ASIC2: variants seen among roughly 807,000 people sequenced by gnomAD.
The protein encoded by ASIC2 is acid-sensing ion channel 2.
A neutral mutation model predicts 57.3 loss-of-function variants in ASIC2; 25 were observed. The observed-to-expected ratio is 0.44, with a 90% CI of 0.32 to 0.61. The LOEUF (loss-of-function observed/expected upper bound fraction) is 0.61, where lower values mean the gene tolerates loss of function less well. Among genes scored for constraint, ASIC2 ranks in the 20% least tolerant of loss-of-function variants. The probability of loss-of-function intolerance (pLI) is 0.06; values close to 1 mark genes in which losing one functional copy is unlikely to be tolerated. For missense variants in ASIC2, 641 were observed against 738.1 expected (o/e 0.87, Z 1.52); for synonymous variants, 319 against 307.5 (o/e 1.04, Z -0.39).
At chr17:33,141,769 G>A (rs994348954) in intron 1 of ASIC2, among the ~76,000 whole-genome samples, 2 of 152,194 alleles carry the variant, frequency 1.3e-5, no homozygotes, top group African/African-American at 4.8e-5. Context: ...TTGAGTAGGA[G>A]GTTGACCTGA....
intron 1 of ASIC2, among the ~76,000 whole-genome samples, chr17:33,373,063 C>T (rs1342674031): frequency 6.6e-6 from 1 of 152,174 alleles, no homozygotes; most frequent in East Asian, 1.9e-4. Context: ...AAGGGAATGG[C>T]TTTGAAGCTT....
chr17:33,914,842 A>T (rs923012238), intron 1 of ASIC2, among the ~76,000 whole-genome samples: 10 of 152,266 alleles, frequency 6.6e-5, no homozygotes, highest in Non-Finnish European at 1.0e-4. Context: ...CCATGAGTAG[A>T]TAAATGCTTA....
chr17:33,552,332 G>T (rs1044661515), intron 1 of ASIC2, among the ~76,000 whole-genome samples: 8 of 152,320 alleles, frequency 5.3e-5, no homozygotes, highest in African/African-American at 1.9e-4. Context: ...GAGATGGTTG[G>T]ATGGCTGCTG....
At chr17:33,710,800 G>C (rs1909006956) in intron 1 of ASIC2, among the ~76,000 whole-genome samples, 1 of 152,170 alleles carries the variant, frequency 6.6e-6, no homozygotes, top group Non-Finnish European at 1.5e-5. Context: ...CTTGTGGCAG[G>C]AGTTATCATG....
intron 1 of ASIC2, among the ~76,000 whole-genome samples, chr17:34,111,247 CAT>C (rs900422595): frequency 6.8e-6 from 1 of 147,994 alleles, no homozygotes; most frequent in Non-Finnish European, 1.5e-5. Flanking sequence ...TATATACACA[CAT>C]ATATATAATA....
intron 7 of ASIC2, among the ~76,000 whole-genome samples, chr17:33,018,383 G>T (rs1039757365): frequency 1.3e-5 from 2 of 152,218 alleles, no homozygotes; most frequent in Non-Finnish European, 2.9e-5. Context: ...GGGTCTGGAT[G>T]TCGGGATTTT....
At chr17:33,645,059 CT>C (rs1906698781) in intron 1 of ASIC2, among the ~76,000 whole-genome samples, 2 of 152,260 alleles carry the variant, frequency 1.3e-5, no homozygotes, top group South Asian at 4.1e-4. Context: ...TGTTCCTGGT[CT>C]CTTAGTTTGC....
At chr17:33,309,267 C>A (rs1906308282) in intron 1 of ASIC2, among the ~76,000 whole-genome samples, 1 of 152,014 alleles carries the variant, frequency 6.6e-6, no homozygotes, top group Non-Finnish European at 1.5e-5. Context: ...ACACACATCT[C>A]TTTTTCTTCA....
chr17:33,113,954 C>T (rs1307509824), intron 1 of ASIC2, among the ~76,000 whole-genome samples: 1 of 152,224 alleles, frequency 6.6e-6, no homozygotes, highest in Non-Finnish European at 1.5e-5. Context: ...CATACTGCTC[C>T]TTTCTGCCTT....
At chr17:34,012,392 T>C (rs1906802064) in intron 1 of ASIC2, among the ~76,000 whole-genome samples, 2 of 152,214 alleles carry the variant, frequency 1.3e-5, no homozygotes, top group Admixed American at 6.5e-5. Context: ...ACATATGCAA[T>C]ACCACGGATT....
intron 3 of ASIC2, among the ~76,000 whole-genome samples, chr17:33,048,892 T>C (rs1232320733): frequency 2.0e-5 from 3 of 152,194 alleles, no homozygotes; most frequent in Non-Finnish European, 2.9e-5. Flanking sequence ...CTACGTATTA[T>C]TTTCTTCCAG....
At position 33,562,614 on chromosome 17, in the gene ASIC2, A is replaced by T. The variant is rs567179091; in HGVS notation, c.556-450547T>A. On this transcript the variant is annotated intron_variant, in intron 1 of 9. Coordinates refer to the ASIC2 transcript ENST00000359872. ...CGGAGTGAGTCTTGCCTGATAAGGG[A>T]AGTCACTCTTGGCACCTATCTCTTG... 1.4e-3 allele frequency among the ~76,000 whole-genome samples: 211 copies of T among 152,228 alleles called. 1 individual carries two copies. The highest frequency in any genetic ancestry group is 8.9e-3 in the South Asian group (43 of 4,818).
intron 1 of ASIC2, among the ~76,000 whole-genome samples, chr17:33,582,946 G>C (rs1355880909): frequency 6.7e-6 from 1 of 149,262 alleles, no homozygotes; most frequent in East Asian, 2.1e-4. Flanking sequence ...TTTCAAAGTG[G>C]AATTCATCAG....
chr17:33,206,144 TTTAATATTTGTTTGCTCTCAAA>T (rs1907052627), intron 1 of ASIC2, among the ~76,000 whole-genome samples: 1 of 152,008 alleles, frequency 6.6e-6, no homozygotes, highest in Non-Finnish European at 1.5e-5. Context: ...AGAGCTAAAT[TTTAATATTTGTTTGCTCTCAAA>T]ACAGCAGCAT....
chr17:33,283,199 T>G (rs1273186511), intron 1 of ASIC2, among the ~76,000 whole-genome samples: 6 of 152,188 alleles, frequency 3.9e-5, no homozygotes, highest in African/African-American at 1.4e-4. Flanking sequence ...TTTGCTTCAC[T>G]TTAGGATGTT....
At chr17:33,308,836 A>G (rs1265483171) in intron 1 of ASIC2, among the ~76,000 whole-genome samples, 1 of 152,192 alleles carries the variant, frequency 6.6e-6, no homozygotes, top group Non-Finnish European at 1.5e-5. Flanking sequence ...GTGAAAAAAA[A>G]GATGGAATAG....
intron 3 of ASIC2, among the ~76,000 whole-genome samples, chr17:33,036,220 T>A (rs989680274): frequency 1.3e-5 from 2 of 152,182 alleles, no homozygotes; most frequent in African/African-American, 4.8e-5. Flanking sequence ...GATGTTCCTA[T>A]TATCATGTTA....
At chr17:33,929,409 C>A (rs899792624) in intron 1 of ASIC2, among the ~76,000 whole-genome samples, 1 of 152,200 alleles carries the variant, frequency 6.6e-6, no homozygotes, top group African/African-American at 2.4e-5. Flanking sequence ...TTTCACTCAC[C>A]AACCTCATTT....
At chr17:33,393,878 G>T (rs186221953) in intron 1 of ASIC2, among the ~76,000 whole-genome samples, 2 of 152,186 alleles carry the variant, frequency 1.3e-5, no homozygotes, top group Non-Finnish European at 1.5e-5. Context: ...GGAATGAAGG[G>T]TCTGGGACAG....
Sources: allele counts gnomAD v4.1 joint callset (sites outside exome capture counted in the v4.1 genomes callset), GRCh38; gene constraint gnomAD v4.1.1; transcripts MANE v1.5; gene names NCBI Gene and HGNC (gene_info 2026-07-23, HGNC 2026-07-21).